The following HOXA3 variants were observed in gnomAD, a reference collection of about 807,000 sequenced individuals.
HOXA3 encodes the protein homeobox protein Hox-A3.
HOXA3 carries 8 observed loss-of-function variants against 30.3 expected under a neutral mutation model. The ratio of observed to expected loss-of-function variants is 0.26; its 90% CI spans 0.15 to 0.48. HOXA3 has a LOEUF of 0.48. Ranked by LOEUF, HOXA3 falls within the 20% of genes least tolerant of loss-of-function variation. The pLI is 0.99. For missense variants in HOXA3, 653 were observed against 614.4 expected (o/e 1.06, Z -0.66); for synonymous variants, 323 against 273.1 (o/e 1.18, Z -1.80).
intron 4 of HOXA3, among the ~76,000 whole-genome samples, chr7:27,118,927 C>A (rs914375456): frequency 2.4e-4 from 37 of 152,212 alleles, no homozygotes; most frequent in African/African-American, 8.0e-4. Context: ...TAAAGCATCT[C>A]CTCCAAGTCC....
intron 1 of HOXA3, chr7:27,147,177 G>T: frequency 1.1e-6 from 1 of 951,910 alleles, no homozygotes; most frequent in Non-Finnish European, 1.5e-6. Context: ...CTTTTAAGAA[G>T]CCAAAGAAAC....
At chr7:27,129,693 T>C (rs982334164) in intron 2 of HOXA3, 3 of 1,059,552 alleles carry the variant, frequency 2.8e-6, no homozygotes, top group Non-Finnish European at 4.2e-6. Context: ...TATAATAACC[T>C]GACACCAAGT....
Position 27,108,080 on chromosome 7 carries a change from G to T in HOXA3, c.1167C>A (p.Pro389=). ...GPALFGLTHL[P]HAASGAMDYG... ...AGTCCATGGCGCCCGAGGCAGCGTGGGGGAGGTGAGTTAGACCAAAGAGGG... is the reference window on the plus strand; with the variant it reads ...AGTCCATGGCGCCCGAGGCAGCGTGTGGGAGGTGAGTTAGACCAAAGAGGG... Residue 389 remains proline, a synonymous_variant, in exon 6 of 6, where the codon CCC becomes CCA. Transcript: ENST00000612286. This position sits in a 1 kb window ranked among gnomAD's most constrained non-coding sequence, Gnocchi z 5.0. 1 of 1,612,940 alleles carries T rather than the reference G, an allele frequency of 6.2e-7. No homozygotes were observed. Among genetic ancestry groups the T allele is most frequent in the Non-Finnish European group, 8.5e-7 (1 of 1,179,230 alleles).
chr7:27,140,400 C>A (rs1338509319), intron 1 of HOXA3: 2 of 152,090 alleles, frequency 1.3e-5, no homozygotes, highest in African/African-American at 2.4e-5. Flanking sequence ...TGTCATATAG[C>A]CGGAACTGGG....
intron 4 of HOXA3, chr7:27,115,878 C>T (rs1050611494): frequency 1.3e-5 from 2 of 152,644 alleles, no homozygotes; most frequent in African/African-American, 4.8e-5. Flanking sequence ...GTGCCCCAGC[C>T]TCAAGCCGCT....
rs1583417155 is a variant in HOXA3, at chr7:27,110,299, A to G, written c.342T>C (p.Pro114=). The G allele has an allele frequency of 8.1e-7, 1 of 1,233,158 alleles. No homozygotes were observed. The highest frequency in any genetic ancestry group is 1.0e-6 in the Non-Finnish European group (1 of 964,818). The allele number at this position is 1,233,158 out of a possible 1,614,324, so 76.4% of individuals were successfully genotyped here. The change falls in exon 5 of 6, where the codon CCT becomes CCC. Residue 114 remains proline (P), a synonymous_variant. Transcript: ENST00000612286. ...AGGGAGGCGGGGGCGCGGCAGGGGT[A>G]GGTGCAGGGGGCTGAGGTGCGGGCT... ...PPQPAPQPPA[P]TPAAPPPPSS...
At chr7:27,130,192 T>C in intron 2 of HOXA3, 1 of 1,582,610 alleles carries the variant, frequency 6.3e-7, no homozygotes, top group Non-Finnish European at 8.5e-7. Flanking sequence ...CGGGCTCTTG[T>C]CGGCCAAGAG....
chr7:27,108,018 T>C lies in HOXA3; in HGVS notation c.1229A>G (p.His410Arg), dbSNP rs760941463. Residue 410 changes from histidine (H) to arginine (R), a missense_variant, in exon 6 of 6, where the codon CAC becomes CGC. By Grantham distance (29) the His-to-Arg change is conservative. Transcript: ENST00000612286. The surrounding 1 kb of genome is among the most constrained non-coding windows in gnomAD (Gnocchi z 5.0). ...GAGPLGSGHH[H>R]GPGPGEPHPT... is the part of the protein sequence containing the mutation. Reference sequence around the variant, plus strand: ...GTGCGGCTCCCCAGGCCCCGGCCCGTGGTGGTGGCCGCTGCCCAGCGGCCC... The same window carrying C: ...GTGCGGCTCCCCAGGCCCCGGCCCGCGGTGGTGGCCGCTGCCCAGCGGCCC... The C allele has an allele frequency of 5.0e-6, 8 of 1,612,638 alleles. No individual in the cohort carries two copies. Among genetic ancestry groups the C allele is most frequent in the Middle Eastern group, 1.7e-4 (1 of 6,054 alleles).
Position 27,110,354 on chromosome 7 carries a change from T to C in HOXA3, c.287A>G (p.Gln96Arg). 6.7e-7 allele frequency: 1 copy of C among 1,496,394 alleles called. No individual in the cohort carries two copies. The highest frequency in any genetic ancestry group is 8.9e-7 in the Non-Finnish European group (1 of 1,127,070). The allele number at this position is 1,496,394 out of a possible 1,614,324, so 92.7% of individuals were successfully genotyped here. A position where few individuals can be genotyped will look rare whatever the true frequency, so the allele number is the denominator to read the frequency against. Residue 96 changes from glutamine to arginine, a missense_variant, in exon 5 of 6, where the codon CAG (glutamine) becomes CGG (arginine). Physicochemically the swap from Gln to Arg is conservative, Grantham distance 43. Around this residue, in one of 3 missense-constraint regions of HOXA3, gnomAD observed 320 missense variants for 321.9 expected, o/e 0.99. Transcript: ENST00000612286. ...GEPPLHPPPP[Q>R]AAPPAPQPPQ... ...CGGCTGTGGGGCAGGGGGCGCGGCCTGGGGCGGCGGCGGGTGCAGGGGCGG... is the reference window on the plus strand; with the variant it reads ...CGGCTGTGGGGCAGGGGGCGCGGCCCGGGGCGGCGGCGGGTGCAGGGGCGG...
At chr7:27,142,126 C>T in intron 1 of HOXA3, 1 of 1,593,556 alleles carries the variant, frequency 6.3e-7, no homozygotes. Context: ...CAACTCCTGT[C>T]TTCCAAAGTC....
At position 27,145,446 on chromosome 7, in the gene HOXA3, G is replaced by GGTTTGGTTTT. The variant is rs1554341485; in HGVS notation, c.-493-5261_-493-5260insAAAACCAAAC. 415 of 331,026 alleles carry GGTTTGGTTTT rather than the reference G, an allele frequency of 1.3e-3. 4 individuals are homozygous for GGTTTGGTTTT. Among genetic ancestry groups the GGTTTGGTTTT allele is most frequent in the South Asian group, 4.6e-3 (117 of 25,314 alleles). 20.5% of individuals were successfully genotyped at this position (331,026 alleles called of 1,614,324 possible). A position where few individuals can be genotyped will look rare whatever the true frequency, so the allele number is the denominator to read the frequency against. On this transcript the variant is annotated intron_variant, in intron 1 of 5. Transcript: ENST00000612286. The stretch of plus-strand genomic sequence containing the variant: ...CACCGCTGGTATTGGCTGTGTGTGA[G>GGTTTGGTTTT]GTTTTGTTTTGTTTTGTTTTGTTTT...
chr7:27,147,599 T>A (rs774078821), intron 1 of HOXA3: 1 of 1,614,150 alleles, frequency 6.2e-7, no homozygotes, highest in Admixed American at 1.7e-5. Flanking sequence ...GAGGTGTACG[T>A]CTTGTCCGGG....
Position 27,120,229 on chromosome 7 carries a change from C to A in HOXA3, c.-121+2330G>T, listed in dbSNP as rs562483587. 6.9e-4 allele frequency among the ~76,000 whole-genome samples: 105 copies of A among 152,178 alleles called. 1 individual carries two copies. The highest frequency in any genetic ancestry group is 2.5e-3 in the African/African-American group (103 of 41,518). On this transcript the variant is annotated intron_variant, in intron 4 of 5. Transcript: ENST00000612286. ...CCCCCTTCAAAGCTCTTGGAACAGT[C>A]GAGCAAATGAAAACTCTTAAAGCCA...
chr7:27,109,845 C>G (rs1784260220), intron 5 of HOXA3, among the ~76,000 whole-genome samples: 2 of 152,200 alleles, frequency 1.3e-5, no homozygotes, highest in African/African-American at 4.8e-5. Flanking sequence ...AAGAGTGGAG[C>G]AAGAAGAGAT....
chr7:27,142,895 G>A, intron 1 of HOXA3: 1 of 691,572 alleles, frequency 1.4e-6, no homozygotes, highest in Non-Finnish European at 2.4e-6. Context: ...GGAGGAAGGA[G>A]GAAGGCAGGG....
chr7:27,139,405 G>A (rs1019424693), intron 2 of HOXA3, among the ~76,000 whole-genome samples: 3 of 152,184 alleles, frequency 2.0e-5, no homozygotes, highest in Non-Finnish European at 2.9e-5. Context: ...GATCCACCTT[G>A]CAACCCGGGG....
intron 2 of HOXA3, among the ~76,000 whole-genome samples, chr7:27,137,770 A>T (rs1785758974): frequency 6.6e-6 from 1 of 152,214 alleles, no homozygotes; most frequent in African/African-American, 2.4e-5. Context: ...GCAAGCTGAC[A>T]ATATTTACAG....
At chr7:27,129,974 A>C in intron 2 of HOXA3, 2 of 913,180 alleles carry the variant, frequency 2.2e-6, no homozygotes, top group Middle Eastern at 2.3e-4. Context: ...GCGCGCACAT[A>C]CCCACATCTC....
At chr7:27,140,344 T>G (rs1782522362) in intron 1 of HOXA3, 158 bp from the exon 2 acceptor site, 1 of 152,210 alleles carries the variant, frequency 6.6e-6, no homozygotes, top group South Asian at 2.1e-4. Flanking sequence ...ATGGATGATT[T>G]TACGATCTAA....
Sources: gnomAD v4.1 joint callset for allele counts (sites outside exome capture counted in the v4.1 genomes callset) on GRCh38, gnomAD v4.1.1 for gene constraint, gnomAD v4.1.1 regional missense constraint, Gnocchi (gnomAD v3.1) non-coding constraint, MANE v1.5 for transcripts, NCBI Gene and HGNC (gene_info 2026-07-23, HGNC 2026-07-21) for gene names.